NKAIN2: variants seen among roughly 807,000 people sequenced by gnomAD.
NKAIN2 encodes the protein sodium/potassium transporting ATPase interacting 2, also known as sodium/potassium-transporting ATPase subunit beta-1-interacting protein 2.
In NKAIN2, 14 loss-of-function variants were observed where a neutral mutation model predicts 32.6. That is an observed-to-expected ratio of 0.43 (90% CI 0.28 to 0.67). The LOEUF (loss-of-function observed/expected upper bound fraction) is 0.67. Ranked by LOEUF, NKAIN2 falls within the 30% of genes least tolerant of loss-of-function variation. NKAIN2 has a pLI of 0.17. For synonymous variants in NKAIN2, 80 were observed against 87.2 expected (o/e 0.92, Z 0.46); for missense variants, 198 against 258.3 (o/e 0.77, Z 1.60).
chr6:124,794,224 C>A (rs1365999760), intron 5 of NKAIN2, among the ~76,000 whole-genome samples: 3 of 152,144 alleles, frequency 2.0e-5, no homozygotes, highest in Non-Finnish European at 2.9e-5. Context: ...ATGGTTAATG[C>A]AAGTCTCCCA....
chr6:124,704,975 G>A (rs1422523455), intron 4 of NKAIN2, among the ~76,000 whole-genome samples: 1 of 151,932 alleles, frequency 6.6e-6, no homozygotes, highest in East Asian at 1.9e-4. Flanking sequence ...ATGACCATAG[G>A]AAGAAATAAT....
intron 3 of NKAIN2, among the ~76,000 whole-genome samples, chr6:124,544,409 TA>T (rs945083915): frequency 1.4e-5 from 2 of 138,896 alleles, no homozygotes; most frequent in African/African-American, 5.5e-5. Context: ...CTCTCCACCT[TA>T]CCAGCATAGG....
chr6:124,595,027 G>A (rs547208017), intron 3 of NKAIN2, among the ~76,000 whole-genome samples: 13 of 152,250 alleles, frequency 8.5e-5, no homozygotes, highest in Admixed American at 2.6e-4. Context: ...AAGAGGTTGT[G>A]TTGGAAGTTT....
chr6:123,885,074 A>G (rs908466345), intron 1 of NKAIN2, among the ~76,000 whole-genome samples: 4 of 152,184 alleles, frequency 2.6e-5, no homozygotes, highest in African/African-American at 9.6e-5. Flanking sequence ...ATACTCACAA[A>G]TTAGACTTTT....
chr6:124,074,361 G>A (rs1302295237), intron 1 of NKAIN2, among the ~76,000 whole-genome samples: 7 of 152,164 alleles, frequency 4.6e-5, no homozygotes, highest in African/African-American at 1.7e-4. Flanking sequence ...GGCACAGTGA[G>A]CCAATCTTAT....
intron 4 of NKAIN2, among the ~76,000 whole-genome samples, chr6:124,715,215 C>T (rs1008852037): frequency 6.6e-6 from 1 of 152,142 alleles, no homozygotes; most frequent in Non-Finnish European, 1.5e-5. Flanking sequence ...GAATGAAAAT[C>T]AGCTATGGAA....
At chr6:124,797,110 C>A (rs552822927) in intron 5 of NKAIN2, among the ~76,000 whole-genome samples, 1 of 138,922 alleles carries the variant, frequency 7.2e-6, no homozygotes, top group African/African-American at 2.7e-5. Context: ...TAGCACTGTT[C>A]GATGTGGCAA....
intron 3 of NKAIN2, among the ~76,000 whole-genome samples, chr6:124,499,822 A>G (rs1401158133): frequency 6.6e-6 from 1 of 152,202 alleles, no homozygotes; most frequent in Non-Finnish European, 1.5e-5. Context: ...TCTGCTTTCA[A>G]GTTTGGGGGC....
intron 1 of NKAIN2, among the ~76,000 whole-genome samples, chr6:124,133,988 G>A (rs1446087676): frequency 5.9e-5 from 9 of 151,860 alleles, no homozygotes; most frequent in East Asian, 5.8e-4. Flanking sequence ...TAACACCCCC[G>A]AAAGATCACA....
At chr6:124,462,037 AAC>A (rs1191687704) in intron 3 of NKAIN2, among the ~76,000 whole-genome samples, 1 of 151,950 alleles carries the variant, frequency 6.6e-6, no homozygotes, top group Non-Finnish European at 1.5e-5. Flanking sequence ...TTCTAGGACT[AAC>A]ACATAATATT....
At chr6:124,128,118 C>T (rs891755098) in intron 1 of NKAIN2, among the ~76,000 whole-genome samples, 3 of 152,200 alleles carry the variant, frequency 2.0e-5, no homozygotes, top group South Asian at 2.1e-4. Context: ...CGTGAGCCAC[C>T]GTGCCTGGCC....
intron 1 of NKAIN2, among the ~76,000 whole-genome samples, chr6:124,006,773 T>C (rs1780096007): frequency 6.6e-6 from 1 of 152,144 alleles, no homozygotes; most frequent in Non-Finnish European, 1.5e-5. Flanking sequence ...CAGGGACATC[T>C]CAACCACATG....
chr6:124,255,446 C>A (rs1377832544), intron 1 of NKAIN2, among the ~76,000 whole-genome samples: 1 of 152,160 alleles, frequency 6.6e-6, no homozygotes, highest in Non-Finnish European at 1.5e-5. Flanking sequence ...TCTACCTCCT[C>A]ACTCTGTAAA....
chr6:124,227,926 G>T (rs927647032), intron 1 of NKAIN2, among the ~76,000 whole-genome samples: 6 of 152,168 alleles, frequency 3.9e-5, no homozygotes, highest in Non-Finnish European at 8.8e-5. Flanking sequence ...ATTTCACACA[G>T]TTCTGGGGAC....
At chr6:124,351,728 T>C (rs1223517722) in intron 2 of NKAIN2, among the ~76,000 whole-genome samples, 1 of 127,464 alleles carries the variant, frequency 7.8e-6, no homozygotes, top group Non-Finnish European at 1.6e-5. Flanking sequence ...TTCAAGTGAT[T>C]CTCTTGCCTC....
Position 124,082,287 on chromosome 6 carries a change from C to A in NKAIN2, c.55-200718C>A, listed in dbSNP as rs17086578. 2.0e-5 allele frequency among the ~76,000 whole-genome samples: 3 copies of A among 152,136 alleles called. No homozygotes were observed. The East Asian group carries it at 5.8e-4, about 29-fold the overall frequency. ...AAAGTGTTATATGAGTTATTTACTA[C>A]GTCCTTTTTTATCCAATTGCTTAAT... is the stretch of plus-strand genomic sequence containing the variant. On this transcript the variant is annotated intron_variant, in intron 1 of 6. Transcript: ENST00000368417.
intron 1 of NKAIN2, among the ~76,000 whole-genome samples, chr6:123,976,813 G>A (rs1211089380): frequency 2.6e-5 from 4 of 152,130 alleles, no homozygotes; most frequent in African/African-American, 9.7e-5. Context: ...AGTGTATACA[G>A]TGTACAAAAT....
intron 1 of NKAIN2, among the ~76,000 whole-genome samples, chr6:124,222,785 C>G (rs189050922): frequency 6.6e-6 from 1 of 152,234 alleles, no homozygotes; most frequent in Non-Finnish European, 1.5e-5. Flanking sequence ...ATCAATGCGT[C>G]TCTTGCTGCT....
chr6:124,139,780 A>G (rs553468808), intron 1 of NKAIN2, among the ~76,000 whole-genome samples: 6 of 152,226 alleles, frequency 3.9e-5, no homozygotes, highest in African/African-American at 1.4e-4. Context: ...AATAGGCTGA[A>G]GAATACAAGC....
Sources: allele counts gnomAD v4.1 joint callset (sites outside exome capture counted in the v4.1 genomes callset), GRCh38; gene constraint gnomAD v4.1.1; transcripts MANE v1.5; gene names NCBI Gene and HGNC (gene_info 2026-07-23, HGNC 2026-07-21).